CIMAP1D: variants seen among roughly 807,000 people sequenced by gnomAD.
CIMAP1D encodes CIMAP1 family member D.
At chr19:476,423 C>T in the CIMAP1D span, among the ~76,000 whole-genome samples, 1 of 152,040 alleles carries the variant, frequency 6.6e-6, no homozygotes, top group Admixed American at 6.6e-5. Context: ...CTCCTGACCT[C>T]AGGTGATCCA....
chr19:485,855 G>A, the CIMAP1D span, among the ~76,000 whole-genome samples: 1 of 152,232 alleles, frequency 6.6e-6, no homozygotes, highest in African/African-American at 2.4e-5. Context: ...TCCAGGGTCA[G>A]CTCATGCTCC....
At chr19:478,296 G>A in the CIMAP1D span, among the ~76,000 whole-genome samples, 22 of 152,338 alleles carry the variant, frequency 1.4e-4, no homozygotes, top group South Asian at 1.7e-3. Context: ...CCTCACATCC[G>A]GGTCACCAGG....
the CIMAP1D span, chr19:467,737 G>T: frequency 6.2e-7 from 1 of 1,607,552 alleles, no homozygotes; most frequent in East Asian, 2.2e-5. Context: ...AGTAGATGGG[G>T]CCCGGGCTGG....
chr19:475,363 G>C, the CIMAP1D span, among the ~76,000 whole-genome samples: 2 of 152,316 alleles, frequency 1.3e-5, no homozygotes, highest in African/African-American at 2.4e-5. Flanking sequence ...GGAAAAGAAG[G>C]AGATGTTCTC....
chr19:490,115 G>C, the CIMAP1D span: 1 of 394,664 alleles, frequency 2.5e-6, no homozygotes, highest in South Asian at 1.3e-4. Context: ...CAGCACTGTG[G>C]GAGGCCGAGG....
chr19:474,719 G>A, the CIMAP1D span: 1 of 1,548,512 alleles, frequency 6.5e-7, no homozygotes, highest in South Asian at 1.2e-5. Flanking sequence ...GGCCAGCCGT[G>A]GGGTGGAGTC....
At chr19:465,278 TG>T in the CIMAP1D span, among the ~76,000 whole-genome samples, 5 of 142,694 alleles carry the variant, frequency 3.5e-5, no homozygotes, top group Admixed American at 6.9e-5. Context: ...GATGGATGGA[TG>T]GATGATGAGT....
At chr19:480,617 GGAAGGA>G in the CIMAP1D span, among the ~76,000 whole-genome samples, 446 of 140,410 alleles carry the variant, frequency 3.2e-3, 5 homozygotes, top group Non-Finnish European at 4.9e-3. Context: ...AAGGATGATG[GGAAGGA>G]TGATGGGGAA....
At chr19:481,769 AC>A in the CIMAP1D span, among the ~76,000 whole-genome samples, 2 of 110,066 alleles carry the variant, frequency 1.8e-5, no homozygotes, top group Non-Finnish European at 3.5e-5. Context: ...AGAACCTCCT[AC>A]TTTTTTTTTT....
the CIMAP1D span, chr19:472,417 G>A: frequency 1.4e-5 from 21 of 1,542,080 alleles, no homozygotes; most frequent in African/African-American, 2.8e-5. Context: ...CCGGACGAGC[G>A]AGTAGGCGGG....
the CIMAP1D span, among the ~76,000 whole-genome samples, chr19:479,056 G>T: frequency 4.6e-5 from 7 of 152,336 alleles, no homozygotes; most frequent in African/African-American, 1.7e-4. Context: ...GTTGGAGGCC[G>T]AAAGAGTGAG....
At chr19:474,955 C>G in the CIMAP1D span, 2 of 427,466 alleles carry the variant, frequency 4.7e-6, no homozygotes, top group African/African-American at 4.1e-5. Context: ...CGGCCGGACA[C>G]TGGCCTGGAA....
At chr19:469,113 A>G in the CIMAP1D span, among the ~76,000 whole-genome samples, 1 of 152,100 alleles carries the variant, frequency 6.6e-6, no homozygotes, top group Non-Finnish European at 1.5e-5. Context: ...ACCCTTAGCC[A>G]CAGCCTCATC....
chr19:479,418 G>T, the CIMAP1D span, among the ~76,000 whole-genome samples: 6 of 147,526 alleles, frequency 4.1e-5, no homozygotes, highest in South Asian at 2.2e-4. Flanking sequence ...TTTTGGGGGG[G>T]GGGGGGATGG....
At chr19:487,962 G>A in the CIMAP1D span, among the ~76,000 whole-genome samples, 1 of 152,098 alleles carries the variant, frequency 6.6e-6, no homozygotes. Flanking sequence ...GAAAACCCTT[G>A]TCCTGTTCTG....
the CIMAP1D span, chr19:464,355 A>G: frequency 1.3e-6 from 2 of 1,536,548 alleles, no homozygotes; most frequent in Middle Eastern, 1.7e-4. Flanking sequence ...GCCTGGCGTC[A>G]CCTCCGGACC....
chr19:486,354 C>T, the CIMAP1D span, among the ~76,000 whole-genome samples: 1 of 152,150 alleles, frequency 6.6e-6, no homozygotes, highest in African/African-American at 2.4e-5. Context: ...ACACCCGGTC[C>T]AACTCCCTCC....
At chr19:475,167 C>G in the CIMAP1D span, among the ~76,000 whole-genome samples, 1 of 152,172 alleles carries the variant, frequency 6.6e-6, no homozygotes, top group Non-Finnish European at 1.5e-5. Flanking sequence ...GGCCCCGTTT[C>G]TACACCTGGG....
the CIMAP1D span, among the ~76,000 whole-genome samples, chr19:475,776 AT>A: frequency 0.55 from 75,635 of 138,480 alleles, 21,773 homozygotes; most frequent in Non-Finnish European, 0.68. Flanking sequence ...TTGCAGTGTA[AT>A]TTTTTTTTTT....
Sources: allele counts gnomAD v4.1 joint callset (sites outside exome capture counted in the v4.1 genomes callset), GRCh38; gene constraint gnomAD v4.1.1; transcripts MANE v1.5; gene names NCBI Gene and HGNC (gene_info 2026-07-23, HGNC 2026-07-21).